Variants in L3MBTL3 observed in about 807,000 individuals in gnomAD.
The protein encoded by L3MBTL3 is lethal(3)malignant brain tumor-like protein 3.
Under a neutral mutation model 102.3 loss-of-function variants are expected in L3MBTL3, and 27 were observed. The observed-to-expected ratio is 0.26, with a 90% CI of 0.19 to 0.36. The LOEUF (loss-of-function observed/expected upper bound fraction) is 0.36. Ranked by LOEUF, L3MBTL3 falls within the 10% of genes least tolerant of loss-of-function variation. The probability of loss-of-function intolerance (pLI) is 1.00; values close to 1 mark genes in which losing one functional copy is unlikely to be tolerated. For synonymous variants in L3MBTL3, 340 were observed against 320.9 expected, an observed-to-expected ratio of 1.06 and a Z score of -0.64; for missense variants, 798 against 955.3, an observed-to-expected ratio of 0.84 and a Z score of 2.17.
At chr6:130,067,016 GTACTT>G (rs1782302579) in intron 11 of L3MBTL3, among the ~76,000 whole-genome samples, 1 of 152,110 alleles carries the variant, frequency 6.6e-6, no homozygotes, top group South Asian at 2.1e-4. Context: ...TTATATTTGA[GTACTT>G]TATATTATAG....
chr6:130,132,728 T>C (rs1020175359), intron 20 of L3MBTL3, among the ~76,000 whole-genome samples: 1 of 152,066 alleles, frequency 6.6e-6, no homozygotes. Context: ...AAACTAGCTT[T>C]GGGTTCAGAA....
At chr6:130,019,858 G>A (rs1212809288) in intron 1 of L3MBTL3, among the ~76,000 whole-genome samples, 1 of 140,030 alleles carries the variant, frequency 7.1e-6, no homozygotes, top group Non-Finnish European at 1.6e-5. Context: ...GGCCGTCCGC[G>A]CGGGAGAGGG....
chr6:130,073,574 A>T (rs1317173351), intron 13 of L3MBTL3, among the ~76,000 whole-genome samples: 1 of 152,174 alleles, frequency 6.6e-6, no homozygotes, highest in Non-Finnish European at 1.5e-5. Context: ...TTGTGGCCTC[A>T]TAAGTATTAC....
intron 1 of L3MBTL3, among the ~76,000 whole-genome samples, chr6:130,021,547 A>G (rs1389435580): frequency 6.6e-6 from 1 of 152,222 alleles, no homozygotes; most frequent in African/African-American, 2.4e-5. Context: ...CCTCTGATCA[A>G]TTTTTAATTA....
At chr6:130,039,342 A>T (rs1041880132) in intron 2 of L3MBTL3, among the ~76,000 whole-genome samples, 13 of 152,226 alleles carry the variant, frequency 8.5e-5, no homozygotes, top group African/African-American at 2.6e-4. Context: ...TATTTCTTTG[A>T]TATCATAAAA....
chr6:130,040,548 C>A (rs546695591), intron 2 of L3MBTL3, among the ~76,000 whole-genome samples: 102 of 152,276 alleles, frequency 6.7e-4, no homozygotes, highest in African/African-American at 2.4e-3. Context: ...AAGTCTTTAG[C>A]CATCTGGAAG....
chr6:130,055,895 CCTTCT>C (rs1224771000), intron 8 of L3MBTL3, among the ~76,000 whole-genome samples: 1 of 150,476 alleles, frequency 6.6e-6, no homozygotes, highest in Non-Finnish European at 1.5e-5. Context: ...CCTTCCCTTC[CCTTCT>C]GTCCCCTCCC....
At position 130,133,417 on chromosome 6, in the gene L3MBTL3, C is replaced by A; in HGVS notation, c.1967-35C>A. 6.2e-7 allele frequency: 1 copy of A among 1,606,932 alleles called. No individual in the cohort carries two copies. The highest frequency in any genetic ancestry group is 8.5e-7 in the Non-Finnish European group (1 of 1,175,458). ...GCATTTGGGGCTTTCTTGCTGCTTT[C>A]AGAGAGTGATTTCCCATTTGTTTTC... is the stretch of plus-strand genomic sequence containing the variant. On this transcript the variant is annotated intron_variant, in intron 20 of 22. Coordinates refer to ENST00000361794, the MANE Select transcript of L3MBTL3 (RefSeq NM_032438.4). The surrounding 1 kb of genome is among the most constrained non-coding windows in gnomAD (Gnocchi z 4.9).
chr6:130,030,616 G>A (rs1424736876), intron 2 of L3MBTL3, among the ~76,000 whole-genome samples: 1 of 130,110 alleles, frequency 7.7e-6, no homozygotes, highest in African/African-American at 3.0e-5. Flanking sequence ...GCAGTGAGCC[G>A]AAATCTTGCC....
At chr6:130,101,076 T>A (rs1281663453) in intron 18 of L3MBTL3, among the ~76,000 whole-genome samples, 1 of 152,176 alleles carries the variant, frequency 6.6e-6, no homozygotes, top group East Asian at 1.9e-4. Context: ...GTCCTTAAAT[T>A]GTTATTATTT....
At position 130,095,993 on chromosome 6, in the gene L3MBTL3, G is replaced by C. The variant is rs557636884; in HGVS notation, c.1736+1626G>C. Among the ~76,000 whole-genome samples the C allele has an allele frequency of 8.5e-5, 13 of 152,276 alleles. 2 individuals carry two copies. The highest frequency in any genetic ancestry group is 2.4e-4 in the African/African-American group (10 of 41,558). On this transcript the variant is annotated intron_variant, in intron 18 of 22. Coordinates refer to ENST00000361794, the MANE Select transcript of L3MBTL3 (RefSeq NM_032438.4). Reference sequence around the variant, plus strand: ...GAAACTCAGTAAATATTTTCGAGCAGCATTTTTTCAACAAGAACTAATATT... The same window carrying C: ...GAAACTCAGTAAATATTTTCGAGCACCATTTTTTCAACAAGAACTAATATT...
chr6:130,081,999 A>G (rs934973851), intron 14 of L3MBTL3, among the ~76,000 whole-genome samples: 1 of 152,118 alleles, frequency 6.6e-6, no homozygotes, highest in Non-Finnish European at 1.5e-5. Context: ...TAGGATTGGT[A>G]TTTCCTCATG....
At chr6:130,135,124 G>A (rs1370349806) in intron 22 of L3MBTL3, among the ~76,000 whole-genome samples, 3 of 146,572 alleles carry the variant, frequency 2.0e-5, no homozygotes, top group South Asian at 4.3e-4. Flanking sequence ...TCTCTCCTGG[G>A]CTAGAGTGCT....
intron 18 of L3MBTL3, among the ~76,000 whole-genome samples, chr6:130,096,507 T>G (rs1435156820): frequency 6.6e-6 from 1 of 152,178 alleles, no homozygotes; most frequent in Non-Finnish European, 1.5e-5. Context: ...CTTTTTTTGG[T>G]CTTCTGGAAG....
intron 20 of L3MBTL3, among the ~76,000 whole-genome samples, chr6:130,127,314 CAG>C (rs945679708): frequency 1.9e-4 from 29 of 152,294 alleles, no homozygotes; most frequent in African/African-American, 6.7e-4. Flanking sequence ...AAGAAGGGAA[CAG>C]AGAGACCAGG....
At chr6:130,120,431 G>A (rs1469967433) in intron 19 of L3MBTL3, among the ~76,000 whole-genome samples, 2 of 152,098 alleles carry the variant, frequency 1.3e-5, no homozygotes, top group Admixed American at 6.5e-5. Flanking sequence ...CCTAGAATTG[G>A]GATTGATTCC....
chr6:130,038,257 G>C (rs927151702), intron 2 of L3MBTL3, among the ~76,000 whole-genome samples: 1 of 151,978 alleles, frequency 6.6e-6, no homozygotes, highest in Non-Finnish European at 1.5e-5. Context: ...CTGATATACT[G>C]ATTTCCTTTC....
intron 18 of L3MBTL3, among the ~76,000 whole-genome samples, chr6:130,095,166 A>G (rs1247199928): frequency 6.6e-6 from 1 of 152,234 alleles, no homozygotes; most frequent in Non-Finnish European, 1.5e-5. Flanking sequence ...TTCTAACTAC[A>G]TAGTAACTGG....
intron 19 of L3MBTL3, among the ~76,000 whole-genome samples, chr6:130,109,376 G>A (rs144323483): frequency 2.0e-5 from 3 of 152,068 alleles, no homozygotes; most frequent in East Asian, 3.9e-4. Context: ...CTGTTGTTTC[G>A]TGACTTTTTG....
Sources: allele counts gnomAD v4.1 joint callset (sites outside exome capture counted in the v4.1 genomes callset), GRCh38; gene constraint gnomAD v4.1.1; non-coding constraint Gnocchi (gnomAD v3.1); transcripts MANE v1.5; gene names NCBI Gene and HGNC (gene_info 2026-07-23, HGNC 2026-07-21).